The following ANGPTL6 variants were observed in gnomAD, a reference collection of about 807,000 sequenced individuals.
The protein encoded by ANGPTL6 is angiopoietin-related protein 6.
A neutral mutation model predicts 47.4 loss-of-function variants in ANGPTL6; 45 were observed. The observed-to-expected ratio is 0.95, with a 90% CI of 0.75 to 1.22. The LOEUF (loss-of-function observed/expected upper bound fraction) is 1.22. Among genes scored for constraint, ANGPTL6 ranks in the 50% most tolerant of loss-of-function variants. The pLI, the probability that ANGPTL6 is intolerant of heterozygous loss-of-function variation, is 0.00. For synonymous variants in ANGPTL6, 290 were observed against 295.9 expected, an observed-to-expected ratio of 0.98 and a Z score of 0.20; for missense variants, 698 against 669.4, an observed-to-expected ratio of 1.04 and a Z score of -0.47.
chr19:10,103,818 G>A (rs141763260), upstream of ANGPTL6, among the ~76,000 whole-genome samples: 449 of 151,074 alleles, frequency 3.0e-3, 1 homozygote, highest in African/African-American at 0.01. Context: ...TGTAAGGCTG[G>A]GCGCGGTGGC....
intron 1 of ANGPTL6, among the ~76,000 whole-genome samples, chr19:10,102,212 A>G (rs957617342): frequency 1.3e-5 from 2 of 151,384 alleles, no homozygotes; most frequent in South Asian, 2.1e-4. Flanking sequence ...GTCAGGGCAA[A>G]GTGTGAAGGG....
At chr19:10,098,784 A>G (rs1599290420) in intron 1 of ANGPTL6, among the ~76,000 whole-genome samples, 1 of 151,744 alleles carries the variant, frequency 6.6e-6, no homozygotes, top group African/African-American at 2.4e-5. Flanking sequence ...AGATCGCACC[A>G]CCGCACTCCA....
intron 1 of ANGPTL6, among the ~76,000 whole-genome samples, chr19:10,097,390 A>AG (rs1251916703): frequency 7.0e-6 from 1 of 143,464 alleles, no homozygotes; most frequent in African/African-American, 2.8e-5. Context: ...TCAAAAGAAA[A>AG]AAAAAAAAAA....
intron 5 of ANGPTL6, 84 bp downstream of exon 5, chr19:10,093,265 A>G: frequency 6.6e-7 from 1 of 1,518,090 alleles, no homozygotes; most frequent in Non-Finnish European, 8.9e-7. Context: ...GGGGCGTCTT[A>G]CCTACCCTAC....
chr19:10,092,639 C>T lies in ANGPTL6; in HGVS notation c.1363G>A (p.Ala455Thr), dbSNP rs375422459. ...GVYWAEFRGG[A>T]YSLRKAAMLI... ...ATGGCGGCCTTCCTGAGAGAATATG[C>T]CCCACCACGAAACTCAGCCCAGTAG... The change falls in exon 6 of 6, where the codon GCA (alanine) becomes ACA (threonine). Residue 455 changes from alanine to threonine, a missense_variant. Transcript: ENST00000253109. The T allele has an allele frequency of 6.2e-6, 10 of 1,613,420 alleles. No individual in the cohort carries two copies. In the African/African-American group the frequency reaches 1.1e-4, roughly 17 times the overall value.
intron 1 of ANGPTL6, among the ~76,000 whole-genome samples, chr19:10,102,277 G>A (rs1192758418): frequency 6.6e-6 from 1 of 151,608 alleles, no homozygotes; most frequent in Non-Finnish European, 1.5e-5. Flanking sequence ...CAGGAGCCAT[G>A]GAGGGTTCTG....
intron 5 of ANGPTL6, chr19:10,093,005 A>G: frequency 2.0e-6 from 1 of 493,678 alleles, no homozygotes; most frequent in Non-Finnish European, 3.5e-6. Context: ...AGTACAAGTC[A>G]CATCTTTCCC....
chr19:10,092,439 G>A lies in ANGPTL6; in HGVS notation c.*150C>T. 1 of 1,523,320 alleles carries A rather than the reference G, an allele frequency of 6.6e-7. No individual in the cohort carries two copies. The highest frequency in any genetic ancestry group is 1.4e-5 in the African/African-American group (1 of 71,546). The allele number at this position is 1,523,320 out of a possible 1,614,324, so 94.4% of individuals were successfully genotyped here. ...AGATATTGACGGGGGGGATTCCTGG[G>A]TCCCATTTTCAGCGCCCAGGGTCAC... is the stretch of plus-strand genomic sequence containing the variant. On this transcript the variant is annotated 3_prime_UTR_variant, in exon 6 of 6. Coordinates refer to ENST00000253109, the MANE Select transcript of ANGPTL6 (RefSeq NM_031917.3).
upstream of ANGPTL6, among the ~76,000 whole-genome samples, chr19:10,103,997 G>A (rs1171742904): frequency 2.0e-5 from 3 of 148,810 alleles, no homozygotes; most frequent in Admixed American, 2.0e-4. Context: ...GGAGGCTGAG[G>A]CAGGAGAATC....
In ANGPTL6 at chr19:10,092,686, C is replaced by A; in HGVS notation, c.1316G>T (p.Arg439Leu). ...NGVWHHGGHY[R>L]SRYQDGVYWA... Reference sequence around the variant, plus strand: ...GTAGACACCATCCTGGTAGCGGCTTCGGTAGTGGCCGCCGTGGTGCCACAC... The same window carrying A: ...GTAGACACCATCCTGGTAGCGGCTTAGGTAGTGGCCGCCGTGGTGCCACAC... The change falls in exon 6 of 6, where the codon CGA becomes CTA. Residue 439 changes from arginine to leucine, a missense_variant. Transcript: ENST00000253109. 1 of 1,614,016 alleles carries A rather than the reference C, an allele frequency of 6.2e-7. No homozygotes were observed. Among genetic ancestry groups the A allele is most frequent in the Non-Finnish European group, 8.5e-7 (1 of 1,179,924 alleles).
At position 10,096,411 on chromosome 19, in the gene ANGPTL6, C is replaced by G; in HGVS notation, c.153G>C (p.Arg51=). 1.5e-6 allele frequency: 2 copies of G among 1,322,856 alleles called. No homozygotes were observed. The highest frequency in any genetic ancestry group is 3.1e-5 in the East Asian group (1 of 32,138). The allele number at this position is 1,322,856 out of a possible 1,614,324, so 81.9% of individuals were successfully genotyped here. ...TGGCGTTGGCGGCCTCGGGCGTCGC[C>G]CGCGTGGATGCGGGGCCGCTCCAGC... ...AVCWSGPAST[R]ATPEAANASE... Residue 51 remains arginine (R), a synonymous_variant, in exon 2 of 6, where the codon CGG becomes CGC. Coordinates refer to ENST00000253109, the MANE Select transcript of ANGPTL6 (RefSeq NM_031917.3).
chr19:10,095,973 C>A lies in ANGPTL6; in HGVS notation c.582+9G>T, dbSNP rs1461804523. On this transcript the variant is annotated intron_variant, in intron 2 of 5. Coordinates refer to ENST00000253109, the MANE Select transcript of ANGPTL6 (RefSeq NM_031917.3). ...ACGATGCTGCTCTCCGGGGAGGCTG[C>A]GAGGTTACCTGCTGCTGCCCGCCCG... 2.3e-6 allele frequency: 3 copies of A among 1,310,924 alleles called. No individual in the cohort carries two copies. Among genetic ancestry groups the A allele is most frequent in the Non-Finnish European group, 2.9e-6 (3 of 1,026,214 alleles). 81.2% of individuals were successfully genotyped at this position (1,310,924 alleles called of 1,614,324 possible).
chr19:10,096,571 G>C lies in ANGPTL6; in HGVS notation c.-8C>G. 6.7e-7 allele frequency: 1 copy of C among 1,497,104 alleles called. No homozygotes were observed. The highest frequency in any genetic ancestry group is 8.8e-7 in the Non-Finnish European group (1 of 1,130,224). The allele number at this position is 1,497,104 out of a possible 1,614,324, so 92.7% of individuals were successfully genotyped here. ...CAGCCAGGGCTTCCCCATCGCGGCGGACCTGCAGGCAGAGGAGGAACGGAA... is the reference window on the plus strand; with the variant it reads ...CAGCCAGGGCTTCCCCATCGCGGCGCACCTGCAGGCAGAGGAGGAACGGAA... On this transcript the variant is annotated splice_region_variant and 5_prime_UTR_variant, in exon 2 of 6. Coordinates refer to ENST00000253109, the MANE Select transcript of ANGPTL6 (RefSeq NM_031917.3).
Position 10,096,273 on chromosome 19 carries a change from G to A in ANGPTL6, c.291C>T (p.Arg97=), listed in dbSNP as rs2088532776. Residue 97 remains arginine (R), a synonymous_variant, in exon 2 of 6, where the codon CGC becomes CGT. Coordinates refer to ENST00000253109, the MANE Select transcript of ANGPTL6 (RefSeq NM_031917.3). ...GAVAGEVRAL[R]KESRGLSARL... ...GCGCGCTCAGGCCGCGGCTCTCCTT[G>A]CGCAGCGCGCGCACCTCGCCGGCCA... 8.3e-7 allele frequency: 1 copy of A among 1,205,476 alleles called. No individual in the cohort carries two copies. The highest frequency in any genetic ancestry group is 3.8e-5 in the South Asian group (1 of 26,508). The allele number at this position is 1,205,476 out of a possible 1,614,324, so 74.7% of individuals were successfully genotyped here. A position where few individuals can be genotyped will look rare whatever the true frequency, so the allele number is the denominator to read the frequency against.
intron 1 of ANGPTL6, 22 bp downstream of exon 1, chr19:10,102,546 A>G: frequency 5.1e-6 from 5 of 983,784 alleles, no homozygotes; most frequent in Non-Finnish European, 6.0e-6. Context: ...ATCAACCTCC[A>G]CCTACCTTCC....
chr19:10,098,754 G>C (rs574610615), intron 1 of ANGPTL6, among the ~76,000 whole-genome samples: 1 of 151,348 alleles, frequency 6.6e-6, no homozygotes, highest in South Asian at 2.1e-4. Flanking sequence ...AACCTGGGAG[G>C]TGGAGGTTGC....
chr19:10,105,324 G>T (rs886959088), upstream of ANGPTL6, among the ~76,000 whole-genome samples: 1 of 152,170 alleles, frequency 6.6e-6, no homozygotes, highest in Non-Finnish European at 1.5e-5. Flanking sequence ...ACAGAGAGGG[G>T]CTGAAGAATA....
In ANGPTL6 at chr19:10,096,413, G is replaced by A. The variant is rs1320746282; in HGVS notation, c.151C>T (p.Arg51Trp). ...GCGTTGGCGGCCTCGGGCGTCGCCC[G>A]CGTGGATGCGGGGCCGCTCCAGCAC... is the stretch of plus-strand genomic sequence containing the variant. Reference protein sequence around the residue: ...AVCWSGPASTRATPEAANASE... With the variant: ...AVCWSGPASTWATPEAANASE... The change falls in exon 2 of 6, where the codon CGG becomes TGG. Residue 51 changes from arginine (R) to tryptophan (W), a missense_variant. Arg to Trp is a moderately radical substitution (Grantham distance 101). Transcript: ENST00000253109. 5 of 1,322,576 alleles carry A rather than the reference G, an allele frequency of 3.8e-6. No individual in the cohort carries two copies. The highest frequency in any genetic ancestry group is 4.8e-6 in the Non-Finnish European group (5 of 1,040,452). The allele number at this position is 1,322,576 out of a possible 1,614,324, so 81.9% of individuals were successfully genotyped here.
At position 10,092,559 on chromosome 19, in the gene ANGPTL6, C is replaced by CA; in HGVS notation, c.*29_*30insT. On this transcript the variant is annotated 3_prime_UTR_variant, in exon 6 of 6. Coordinates refer to ENST00000253109, the MANE Select transcript of ANGPTL6 (RefSeq NM_031917.3). ...TTGGGCTCCTGCTGACCAATGTCCT[C>CA]TAGGGCCTAGGGGACAGAGGAACAC... The CA allele has an allele frequency of 1.3e-6, 2 of 1,576,926 alleles. No individual in the cohort carries two copies. Among genetic ancestry groups the CA allele is most frequent in the Non-Finnish European group, 1.7e-6 (2 of 1,157,406 alleles).
Sources: allele counts gnomAD v4.1 joint callset (sites outside exome capture counted in the v4.1 genomes callset), GRCh38; gene constraint gnomAD v4.1.1; transcripts MANE v1.5; gene names NCBI Gene and HGNC (gene_info 2026-07-23, HGNC 2026-07-21).